The following PDE1A variants were observed in gnomAD, a reference collection of about 807,000 sequenced individuals.
The protein encoded by PDE1A is dual specificity calcium/calmodulin-dependent 3',5'-cyclic nucleotide phosphodiesterase 1A.
Under a neutral mutation model 61.7 loss-of-function variants are expected in PDE1A, and 35 were observed. That is an observed-to-expected ratio of 0.57 (90% CI 0.43 to 0.75). The LOEUF (loss-of-function observed/expected upper bound fraction) is 0.75, where lower values mean the gene tolerates loss of function less well. Among genes scored for constraint, PDE1A ranks in the 30% least tolerant of loss-of-function variants. PDE1A has a pLI of 0.00. For synonymous variants in PDE1A, 232 were observed against 213.2 expected (o/e 1.09, Z -0.77); for missense variants, 597 against 630.6 (o/e 0.95, Z 0.57).
the PDE1A span, among the ~76,000 whole-genome samples, chr2:182,606,601 G>A: frequency 6.6e-6 from 1 of 150,930 alleles, no homozygotes; most frequent in Non-Finnish European, 1.5e-5. Context: ...TCCATGCCCT[G>A]TGGATGTTAT....
chr2:182,320,325 T>G (rs889086432), intron 1 of PDE1A, among the ~76,000 whole-genome samples: 1 of 152,160 alleles, frequency 6.6e-6, no homozygotes, highest in African/African-American at 2.4e-5. Context: ...ACAGCTGGTG[T>G]AACCTGCCGG....
At chr2:182,388,338 T>C (rs996249915) in intron 1 of PDE1A, among the ~76,000 whole-genome samples, 1 of 152,130 alleles carries the variant, frequency 6.6e-6, no homozygotes. Context: ...AACAGATATA[T>C]ACAGAAAACT....
intron 1 of PDE1A, among the ~76,000 whole-genome samples, chr2:182,337,018 C>T (rs1217444671): frequency 6.7e-6 from 1 of 149,726 alleles, no homozygotes; most frequent in South Asian, 2.1e-4. Context: ...TACAAAGTGG[C>T]TATGAGAATT....
the PDE1A span, among the ~76,000 whole-genome samples, chr2:182,539,408 C>G: frequency 6.6e-6 from 1 of 152,158 alleles, no homozygotes; most frequent in African/African-American, 2.4e-5. Flanking sequence ...CTAGAACAAA[C>G]AGTGAGCTTT....
At chr2:182,560,482 G>T in the PDE1A span, among the ~76,000 whole-genome samples, 1 of 151,054 alleles carries the variant, frequency 6.6e-6, no homozygotes, top group Non-Finnish European at 1.5e-5. Context: ...ATTTGGGTTG[G>T]TTCCAAGTCT....
At chr2:182,715,029 A>G in the PDE1A span, among the ~76,000 whole-genome samples, 8 of 152,106 alleles carry the variant, frequency 5.3e-5, no homozygotes, top group African/African-American at 1.9e-4. Context: ...CTATGTCTTC[A>G]TCTTGGTATA....
At chr2:182,225,110 A>G (rs1370854710) in intron 6 of PDE1A, among the ~76,000 whole-genome samples, 3 of 151,994 alleles carry the variant, frequency 2.0e-5, no homozygotes, top group Non-Finnish European at 4.4e-5. Flanking sequence ...GTGGCAGTAG[A>G]TCTTGGGAAA....
At chr2:182,455,105 C>A (rs1185572061) in intron 2 of PDE1A, among the ~76,000 whole-genome samples, 1 of 151,688 alleles carries the variant, frequency 6.6e-6, no homozygotes, top group East Asian at 1.9e-4. Context: ...AGGTTATGAA[C>A]AGACACTTCT....
intron 1 of PDE1A, among the ~76,000 whole-genome samples, chr2:182,389,591 C>T (rs931356511): frequency 1.3e-5 from 2 of 152,026 alleles, no homozygotes; most frequent in African/African-American, 4.8e-5. Context: ...AATGAAATAA[C>T]ACCTCACAGC....
chr2:182,393,080 T>C (rs1467929816), intron 1 of PDE1A, among the ~76,000 whole-genome samples: 2 of 152,256 alleles, frequency 1.3e-5, no homozygotes, highest in Non-Finnish European at 2.9e-5. Context: ...AACATTTCCC[T>C]TCTGCACTGC....
intron 2 of PDE1A, among the ~76,000 whole-genome samples, chr2:182,520,841 G>T (rs1559538369): frequency 6.6e-6 from 1 of 151,942 alleles, no homozygotes; most frequent in African/African-American, 2.4e-5. Context: ...ATCATCTGCT[G>T]ACTGCTAATG....
intron 13 of PDE1A, among the ~76,000 whole-genome samples, chr2:182,149,814 A>G (rs1007369971): frequency 1.3e-5 from 2 of 152,162 alleles, no homozygotes; most frequent in Non-Finnish European, 2.9e-5. Flanking sequence ...AAACACCCAT[A>G]TACCAAGGTT....
intron 6 of PDE1A, among the ~76,000 whole-genome samples, chr2:182,229,493 T>C (rs1476091106): frequency 1.3e-5 from 2 of 152,152 alleles, no homozygotes; most frequent in Non-Finnish European, 2.9e-5. Flanking sequence ...CTGAATCGTT[T>C]AGTCACCCAT....
At position 182,148,460 on chromosome 2, in the gene PDE1A, C is replaced by T. The variant is rs73040177; in HGVS notation, c.1517-1308G>A. On this transcript the variant is annotated intron_variant, in intron 13 of 13. Coordinates refer to the PDE1A transcript ENST00000409365. Reference sequence around the variant, plus strand: ...TACAGCTGCCTTTATTTTCTGTGAGCACAGTCATGGGCTCTTAACAGAATT... The same window carrying T: ...TACAGCTGCCTTTATTTTCTGTGAGTACAGTCATGGGCTCTTAACAGAATT... 7.5e-3 allele frequency among the ~76,000 whole-genome samples: 1,139 copies of T among 152,294 alleles called. 13 individuals are homozygous for T. The highest frequency in any genetic ancestry group is 0.025 in the African/African-American group (1,037 of 41,568).
At chr2:182,541,583 A>G in the PDE1A span, among the ~76,000 whole-genome samples, 1 of 152,340 alleles carries the variant, frequency 6.6e-6, no homozygotes, top group African/African-American at 2.4e-5. Context: ...GCAATATATT[A>G]TGCTATTGAA....
intron 1 of PDE1A, among the ~76,000 whole-genome samples, chr2:182,296,819 A>G (rs750858071): frequency 6.6e-5 from 10 of 152,316 alleles, no homozygotes; most frequent in Non-Finnish European, 1.3e-4. Context: ...ACTCATGTTG[A>G]GTACACATCA....
chr2:182,675,001 A>T, the PDE1A span, among the ~76,000 whole-genome samples: 4 of 152,138 alleles, frequency 2.6e-5, no homozygotes, highest in African/African-American at 9.7e-5. Context: ...CAGGTTTGCT[A>T]CATAGGTAAA....
exon 3 of PDE1A, chr2:182,240,127 A>G (rs1690382167): frequency 6.2e-7 from 1 of 1,613,550 alleles, no homozygotes; most frequent in East Asian, 2.2e-5. Flanking sequence ...CAAAAATTCC[A>G]GCTTGAACAG....
chr2:182,410,014 C>A (rs1282816422), intron 1 of PDE1A, among the ~76,000 whole-genome samples: 4 of 152,040 alleles, frequency 2.6e-5, no homozygotes, highest in Middle Eastern at 3.4e-3. Flanking sequence ...AAAAAATTTT[C>A]AAAAAATTGT....
Sources: gnomAD v4.1 joint callset for allele counts (sites outside exome capture counted in the v4.1 genomes callset) on GRCh38, gnomAD v4.1.1 for gene constraint, MANE v1.5 for transcripts, NCBI Gene and HGNC (gene_info 2026-07-23, HGNC 2026-07-21) for gene names.